The following PCNX1 variants were observed in gnomAD, a reference collection of about 807,000 sequenced individuals.
The protein encoded by PCNX1 is pecanex 1, also known as pecanex-like protein 1.
A neutral mutation model predicts 242.2 loss-of-function variants in PCNX1; 78 were observed. That is an observed-to-expected ratio of 0.32 (90% confidence interval 0.27 to 0.39). The LOEUF is 0.39. Ranked by LOEUF, PCNX1 falls within the 10% of genes least tolerant of loss-of-function variation. The pLI is 1.00. For missense variants in PCNX1, 2,581 were observed against 2,856.5 expected (o/e 0.90, Z 2.20); for synonymous variants, 1,024 against 1,032.9 (o/e 0.99, Z 0.17).
chr14:70,935,523 T>G (rs1387352358), intron 1 of PCNX1, among the ~76,000 whole-genome samples: 1 of 152,252 alleles, frequency 6.6e-6, no homozygotes, highest in East Asian at 1.9e-4. Context: ...ATTCATGATC[T>G]TTGACTCTTT....
chr14:70,940,785 T>A (rs947243408), intron 1 of PCNX1, among the ~76,000 whole-genome samples: 3 of 152,232 alleles, frequency 2.0e-5, no homozygotes, highest in Non-Finnish European at 2.9e-5. Context: ...AGATTTGGTC[T>A]TTTCACATAG....
chr14:70,951,453 C>T (rs1385188346), intron 2 of PCNX1, among the ~76,000 whole-genome samples: 2 of 152,078 alleles, frequency 1.3e-5, no homozygotes, highest in Non-Finnish European at 2.9e-5. Context: ...CGGCTCACTG[C>T]AACCTCCACC....
chr14:71,043,053 A>G (rs545001488), intron 19 of PCNX1, among the ~76,000 whole-genome samples: 1 of 152,058 alleles, frequency 6.6e-6, no homozygotes, highest in Non-Finnish European at 1.5e-5. Flanking sequence ...TTTTTGAAGG[A>G]TAAAGCTTTT....
chr14:71,031,964 C>G (rs112040573), intron 16 of PCNX1: 1 of 1,332,278 alleles, frequency 7.5e-7, no homozygotes, highest in East Asian at 2.3e-5. Flanking sequence ...ATGGCTCTTT[C>G]TAGGCACTGT....
chr14:71,032,576 G>A (rs2060419724), intron 16 of PCNX1, among the ~76,000 whole-genome samples: 1 of 152,182 alleles, frequency 6.6e-6, no homozygotes, highest in Non-Finnish European at 1.5e-5. Context: ...GTGTTATGAT[G>A]TGAAACAATT....
rs1180028404 is a variant in PCNX1 at position 70,976,954 on chromosome 14, A to G, written c.617A>G (p.Asp206Gly). 3 of 1,611,520 alleles carry G rather than the reference A, an allele frequency of 1.9e-6. No individual in the cohort carries two copies. In the Admixed American group the frequency reaches 5.0e-5, roughly 27 times the overall value. Reference sequence around the variant, plus strand: ...GTGTTTGAAACAGATTTGGCAGCTGATCGGAAGCTCTTTCGTCTTGTCTCC... The same window carrying G: ...GTGTTTGAAACAGATTTGGCAGCTGGTCGGAAGCTCTTTCGTCTTGTCTCC... ...EGSEEQDLAA[D>G]RKLFRLVSND... Residue 206 changes from aspartate (D) to glycine (G), a missense_variant, in exon 6 of 36, where the codon GAT (aspartate) becomes GGT (glycine). Physicochemically the swap from Asp to Gly is moderately conservative, Grantham distance 94 (BLOSUM62 -1). Transcript: ENST00000304743.
At chr14:70,949,457 C>T (rs1161966357) in intron 2 of PCNX1, among the ~76,000 whole-genome samples, 1 of 151,258 alleles carries the variant, frequency 6.6e-6, no homozygotes, top group Non-Finnish European at 1.5e-5. Context: ...GTATAATATA[C>T]ACATACGCAT....
chr14:71,046,864 G>A (rs1450290083), intron 20 of PCNX1, 100 bp from the exon 21 acceptor site: 1 of 812,560 alleles, frequency 1.2e-6, no homozygotes, highest in Non-Finnish European at 1.9e-6. Context: ...CAGTTTATTT[G>A]TAGTTTGGTA....
chr14:71,107,193 G>A (rs1010877467), intron 33 of PCNX1, among the ~76,000 whole-genome samples: 6 of 151,928 alleles, frequency 3.9e-5, no homozygotes, highest in African/African-American at 1.2e-4. Context: ...ACTGCTTCAC[G>A]TGAATCAAAT....
At chr14:71,074,795 G>A (rs931544623) in intron 27 of PCNX1, among the ~76,000 whole-genome samples, 1 of 152,106 alleles carries the variant, frequency 6.6e-6, no homozygotes, top group Non-Finnish European at 1.5e-5. Context: ...CAAGGGTAAA[G>A]GCCAAACCCC....
Position 71,102,131 on chromosome 14 carries a change from C to G in PCNX1, c.5731C>G (p.Leu1911Val). The change falls in exon 31 of 36, where the codon CTT (leucine) becomes GTT (valine). Residue 1911 changes from leucine to valine, a missense_variant. Physicochemically the swap from Leu to Val is conservative, Grantham distance 32 (BLOSUM62 1). This residue lies in a region of PCNX1 where 298 missense variants were observed against 480.1 expected (regional missense o/e 0.62). Transcript: ENST00000304743. ...AGTACTTGCCAACTCTCCCTCCTTGCTTGCTCTGCGGCATGTCATGGATGA... is the reference window on the plus strand; with the variant it reads ...AGTACTTGCCAACTCTCCCTCCTTGGTTGCTCTGCGGCATGTCATGGATGA... ...SAVLANSPSL[L>V]ALRHVMDDGT... 1 of 1,614,088 alleles carries G rather than the reference C, an allele frequency of 6.2e-7. No individual in the cohort carries two copies. The highest frequency in any genetic ancestry group is 8.5e-7 in the Non-Finnish European group (1 of 1,179,958).
chr14:71,078,967 A>G (rs1202518386), intron 28 of PCNX1, among the ~76,000 whole-genome samples: 2 of 152,112 alleles, frequency 1.3e-5, no homozygotes, highest in East Asian at 3.9e-4. Context: ...TGTCATCTAC[A>G]TTAGGTATTT....
chr14:71,057,497 C>G lies in PCNX1; in HGVS notation c.4637-12C>G. ...GGTTAAATTTAACTTTTTTTAAAAT[C>G]TCTTTTTATAGGATCAGATGACAAC... On this transcript the variant is annotated splice_polypyrimidine_tract_variant and intron_variant, in intron 25 of 35. Coordinates refer to ENST00000304743, the MANE Select transcript of PCNX1 (RefSeq NM_014982.3). 1 of 1,572,076 alleles carries G rather than the reference C, an allele frequency of 6.4e-7. No individual in the cohort carries two copies. The highest frequency in any genetic ancestry group is 8.7e-7 in the Non-Finnish European group (1 of 1,149,088).
chr14:70,994,396 G>GATAGATATATAT (rs1555357306), intron 7 of PCNX1, among the ~76,000 whole-genome samples: 7 of 96,960 alleles, frequency 7.2e-5, no homozygotes, highest in Admixed American at 9.9e-5. Flanking sequence ...ACAGGCTTAA[G>GATAGATATATAT]ATATATATAT....
At chr14:71,059,445 G>T (rs12884478) in intron 26 of PCNX1, among the ~76,000 whole-genome samples, 3 of 151,776 alleles carry the variant, frequency 2.0e-5, no homozygotes, top group African/African-American at 7.3e-5. Flanking sequence ...GTGCAGTGGC[G>T]TGATCACAGC....
At chr14:70,973,912 A>G (rs1452884192) in intron 5 of PCNX1, among the ~76,000 whole-genome samples, 1 of 152,068 alleles carries the variant, frequency 6.6e-6, no homozygotes, top group African/African-American at 2.4e-5. Context: ...CATCACCACT[A>G]TCTAAATCCA....
At chr14:71,003,910 A>G (rs1366236018) in intron 8 of PCNX1, among the ~76,000 whole-genome samples, 1 of 152,230 alleles carries the variant, frequency 6.6e-6, no homozygotes, top group African/African-American at 2.4e-5. Context: ...AGCATTGCAC[A>G]TACTAAGAAA....
At chr14:71,006,293 G>A (rs936222881) in intron 8 of PCNX1, among the ~76,000 whole-genome samples, 4 of 151,998 alleles carry the variant, frequency 2.6e-5, no homozygotes, top group African/African-American at 9.7e-5. Flanking sequence ...TGGCATATCA[G>A]CTTTTTGTGT....
intron 30 of PCNX1, among the ~76,000 whole-genome samples, chr14:71,094,669 G>A (rs991530618): frequency 9.9e-5 from 15 of 152,118 alleles, no homozygotes; most frequent in African/African-American, 3.6e-4. Flanking sequence ...CCTCACGCCT[G>A]TAATCCCAGC....
Sources: gnomAD v4.1 joint callset for allele counts (sites outside exome capture counted in the v4.1 genomes callset) on GRCh38, gnomAD v4.1.1 for gene constraint, gnomAD v4.1.1 regional missense constraint, MANE v1.5 for transcripts, NCBI Gene and HGNC (gene_info 2026-07-23, HGNC 2026-07-21) for gene names.